Variants in SLIT3 observed in about 807,000 individuals in gnomAD.
The protein encoded by SLIT3 is slit homolog 3 protein.
SLIT3 carries 68 observed loss-of-function variants against 184.0 expected under a neutral mutation model. That is an observed-to-expected ratio of 0.37 (90% CI 0.30 to 0.45). SLIT3 has a LOEUF of 0.45. SLIT3 is among the 20% of genes least tolerant of loss of function. SLIT3 has a pLI of 1.00. For synonymous variants in SLIT3, 831 were observed against 828.6 expected (o/e 1.00, Z -0.05); for missense variants, 1,707 against 2,026.0 (o/e 0.84, Z 3.02).
At chr5:169,066,942 G>GA (rs60977256) in intron 4 of SLIT3, among the ~76,000 whole-genome samples, 4,552 of 80,310 alleles carry the variant, frequency 0.057, 230 homozygotes, top group African/African-American at 0.13. Flanking sequence ...TCCCTTTCCT[G>GA]AAAAAAAAAA....
At chr5:168,932,347 G>GACAC (rs375350401) in intron 4 of SLIT3, among the ~76,000 whole-genome samples, 7,758 of 131,028 alleles carry the variant, frequency 0.059, 305 homozygotes, top group African/African-American at 0.097. Flanking sequence ...AGGGGAAAAA[G>GACAC]ACACACACAC....
intron 4 of SLIT3, among the ~76,000 whole-genome samples, chr5:169,088,134 C>A (rs1759389147): frequency 6.6e-6 from 1 of 152,214 alleles, no homozygotes; most frequent in African/African-American, 2.4e-5. Flanking sequence ...TCTCCAGATT[C>A]TCTAAAGTAG....
At chr5:169,163,164 T>C (rs1762532702) in intron 4 of SLIT3, among the ~76,000 whole-genome samples, 1 of 151,830 alleles carries the variant, frequency 6.6e-6, no homozygotes, top group African/African-American at 2.4e-5. Context: ...CTACTAAAAA[T>C]ACAAAAATTA....
intron 4 of SLIT3, among the ~76,000 whole-genome samples, chr5:169,173,685 G>C (rs1343084241): frequency 2.0e-5 from 3 of 152,322 alleles, no homozygotes; most frequent in Admixed American, 1.3e-4. Context: ...AGCTGCAGAT[G>C]TATTTTCCCT....
chr5:168,717,335 A>G (rs1762771119), intron 23 of SLIT3, among the ~76,000 whole-genome samples: 2 of 148,642 alleles, frequency 1.3e-5, no homozygotes, highest in South Asian at 2.2e-4. Context: ...CCCTTTGTGC[A>G]GCACATAGTC....
At chr5:169,243,994 C>T (rs1193060986) in intron 3 of SLIT3, among the ~76,000 whole-genome samples, 1 of 152,256 alleles carries the variant, frequency 6.6e-6, no homozygotes, top group African/African-American at 2.4e-5. Context: ...GCCTACTTAA[C>T]CATCTGAGCA....
At position 168,806,601 on chromosome 5, in the gene SLIT3, A is replaced by C. The variant is rs1756972167; in HGVS notation, c.794-14T>G. On this transcript the variant is annotated splice_polypyrimidine_tract_variant and intron_variant, in intron 8 of 35. Coordinates refer to ENST00000519560, the MANE Select transcript of SLIT3 (RefSeq NM_003062.4). ...CCGAGTGGGGGGCTGTGGAGCCAAGACACAACGGTCAACTTATGTCAGTGT... is the reference window on the plus strand; with the variant it reads ...CCGAGTGGGGGGCTGTGGAGCCAAGCCACAACGGTCAACTTATGTCAGTGT... 1 of 1,614,010 alleles carries C rather than the reference A, an allele frequency of 6.2e-7. No individual in the cohort carries two copies.
intron 1 of SLIT3, among the ~76,000 whole-genome samples, chr5:169,258,150 A>G (rs982314152): frequency 6.6e-6 from 1 of 152,136 alleles, no homozygotes. Context: ...ATGAGTTCAC[A>G]TACCAGGGAA....
chr5:168,892,639 A>T (rs1364283081), intron 4 of SLIT3, among the ~76,000 whole-genome samples: 5 of 152,234 alleles, frequency 3.3e-5, no homozygotes, highest in Non-Finnish European at 5.9e-5. Flanking sequence ...CTTTGCAGCC[A>T]TAGGATTTAA....
chr5:168,907,210 A>G (rs558491891), intron 4 of SLIT3, among the ~76,000 whole-genome samples: 1 of 152,244 alleles, frequency 6.6e-6, no homozygotes, highest in Non-Finnish European at 1.5e-5. Flanking sequence ...TGTGCTCCAC[A>G]AGGCTGACAG....
chr5:169,117,515 A>G (rs1256395277), intron 4 of SLIT3, among the ~76,000 whole-genome samples: 1 of 152,108 alleles, frequency 6.6e-6, no homozygotes, highest in Non-Finnish European at 1.5e-5. Flanking sequence ...CAGGAAATGC[A>G]AATTCAGGAC....
At chr5:168,753,647 T>A (rs6867055) in intron 17 of SLIT3, among the ~76,000 whole-genome samples, 1 of 151,886 alleles carries the variant, frequency 6.6e-6, no homozygotes, top group Admixed American at 6.6e-5. Flanking sequence ...GTGTGTGTGG[T>A]GTGTGTGTGT....
chr5:169,285,155 G>A (rs1342324614), intron 1 of SLIT3, among the ~76,000 whole-genome samples: 1 of 152,064 alleles, frequency 6.6e-6, no homozygotes, highest in Non-Finnish European at 1.5e-5. Context: ...AGGCTCAACT[G>A]ATCCTCCCAC....
chr5:169,213,632 C>G (rs1301770827), intron 3 of SLIT3, among the ~76,000 whole-genome samples: 1 of 152,178 alleles, frequency 6.6e-6, no homozygotes, highest in African/African-American at 2.4e-5. Context: ...TTCCTGAGCT[C>G]TCTGACTCAC....
chr5:168,935,173 A>G (rs1343308794), intron 4 of SLIT3, among the ~76,000 whole-genome samples: 2 of 151,926 alleles, frequency 1.3e-5, no homozygotes, highest in Non-Finnish European at 2.9e-5. Flanking sequence ...CAACAACAAA[A>G]AAGAATAATA....
chr5:169,279,694 A>G (rs1413960770), intron 1 of SLIT3, among the ~76,000 whole-genome samples: 2 of 152,232 alleles, frequency 1.3e-5, no homozygotes, highest in African/African-American at 4.8e-5. Flanking sequence ...TAAATTATAT[A>G]ATATGCACAA....
chr5:168,831,301 T>C (rs1273685267), intron 6 of SLIT3, among the ~76,000 whole-genome samples: 1 of 114,672 alleles, frequency 8.7e-6, no homozygotes, highest in Non-Finnish European at 1.8e-5. Context: ...TGAGAGAGAT[T>C]GGTGGGGGTG....
intron 4 of SLIT3, among the ~76,000 whole-genome samples, chr5:169,057,991 AC>A (rs533142793): frequency 2.3e-4 from 35 of 152,274 alleles, no homozygotes; most frequent in Non-Finnish European, 4.0e-4. Flanking sequence ...ATACCCAGGG[AC>A]CCTGGTTGCT....
intron 4 of SLIT3, among the ~76,000 whole-genome samples, chr5:169,148,149 C>A (rs2113361632): frequency 6.6e-6 from 1 of 152,296 alleles, no homozygotes. Flanking sequence ...GTAATCCAGG[C>A]CTCAGTCACT....
Sources: gnomAD v4.1 joint callset for allele counts (sites outside exome capture counted in the v4.1 genomes callset) on GRCh38, gnomAD v4.1.1 for gene constraint, MANE v1.5 for transcripts, NCBI Gene and HGNC (gene_info 2026-07-23, HGNC 2026-07-21) for gene names.